DYNC2H1: variants seen among roughly 807,000 people sequenced by gnomAD.
DYNC2H1 encodes the protein dynein cytoplasmic 2 heavy chain 1.
In DYNC2H1, 410 loss-of-function variants were observed where a neutral mutation model predicts 570.0. That is an observed-to-expected ratio of 0.72 (90% CI 0.66 to 0.78). The LOEUF (loss-of-function observed/expected upper bound fraction) is 0.78. Among genes scored for constraint, DYNC2H1 ranks in the 30% least tolerant of loss-of-function variants. The probability of loss-of-function intolerance (pLI) is 0.00; values close to 1 mark genes in which losing one functional copy is unlikely to be tolerated. For missense variants in DYNC2H1, 4,865 were observed against 5,046.4 expected (o/e 0.96, Z 1.09); for synonymous variants, 1,688 against 1,677.6 (o/e 1.01, Z -0.15).
Position 103,415,701 on chromosome 11 carries a change from G to A in DYNC2H1, c.12366+15829G>A, listed in dbSNP as rs149271187. 4.2e-3 allele frequency among the ~76,000 whole-genome samples: 635 copies of A among 152,290 alleles called. 1 individual carries two copies. Among genetic ancestry groups the A allele is most frequent in the African/African-American group, 0.014 (596 of 41,554 alleles). On this transcript the variant is annotated intron_variant, in intron 84 of 88. Transcript: ENST00000375735. Reference sequence around the variant, plus strand: ...ATAGGAACACTTTTACACTGTTGGTGGGACTGTAAACTGGTTCAACCATTG... The same window carrying A: ...ATAGGAACACTTTTACACTGTTGGTAGGACTGTAAACTGGTTCAACCATTG...
At chr11:103,413,748 T>C (rs1184204542) in intron 84 of DYNC2H1, among the ~76,000 whole-genome samples, 4 of 152,310 alleles carry the variant, frequency 2.6e-5, no homozygotes, top group South Asian at 2.1e-4. Flanking sequence ...TTTTATTATA[T>C]GTACTTATAA....
chr11:103,308,237 C>T (rs1867397320), intron 78 of DYNC2H1, among the ~76,000 whole-genome samples: 2 of 152,160 alleles, frequency 1.3e-5, no homozygotes, highest in South Asian at 4.1e-4. Flanking sequence ...AGTTTGACTG[C>T]TTTAGCTACC....
intron 29 of DYNC2H1, among the ~76,000 whole-genome samples, chr11:103,162,574 A>G (rs1861141188): frequency 6.6e-6 from 1 of 152,134 alleles, no homozygotes; most frequent in African/African-American, 2.4e-5. Context: ...ATCCCTTCCT[A>G]TGGTTACGAC....
At chr11:103,393,967 A>G (rs560685260) in intron 83 of DYNC2H1, among the ~76,000 whole-genome samples, 8 of 152,190 alleles carry the variant, frequency 5.3e-5, no homozygotes, top group African/African-American at 1.7e-4. Context: ...CTATTATTCA[A>G]TTACCTCCCA....
intron 61 of DYNC2H1, among the ~76,000 whole-genome samples, chr11:103,234,401 A>C (rs1451846527): frequency 6.6e-6 from 1 of 152,036 alleles, no homozygotes. Context: ...AGAGATGAGC[A>C]GGATGAAAAT....
Position 103,170,834 on chromosome 11 carries a change from TG to T in DYNC2H1, c.5152-50del. The T allele has an allele frequency of 7.5e-7, 1 of 1,340,032 alleles. No homozygotes were observed. Among genetic ancestry groups the T allele is most frequent in the Non-Finnish European group, 9.8e-7 (1 of 1,021,792 alleles). 83.0% of individuals were successfully genotyped at this position (1,340,032 alleles called of 1,614,324 possible). On this transcript the variant is annotated intron_variant, in intron 33 of 88. Coordinates refer to ENST00000375735, the MANE Select transcript of DYNC2H1 (RefSeq NM_001377.3). This position sits in a 1 kb window ranked among gnomAD's most constrained non-coding sequence, Gnocchi z 4.8. ...AGTAACATTAAATATTAAGTAGTTA[TG>T]GAGATTTTGATTATTTTTTAATGAC...
In DYNC2H1 at chr11:103,276,929, CAG is replaced by C. The variant is rs893362457; in HGVS notation, c.10696-3416_10696-3415del. ...CACATAAAATGCCCTCCAAAAAAGA[CAG>C]AGTCAATTTCATTCTCAACAGCAAT... On this transcript the variant is annotated intron_variant, in intron 70 of 88. Transcript: ENST00000375735. 4.0e-4 allele frequency among the ~76,000 whole-genome samples: 61 copies of C among 152,040 alleles called. 1 individual carries two copies. The highest frequency in any genetic ancestry group is 1.4e-3 in the African/African-American group (60 of 41,426).
chr11:103,147,611 G>A (rs532137724), intron 18 of DYNC2H1, among the ~76,000 whole-genome samples, 161 bp from the exon 19 acceptor site: 2 of 152,132 alleles, frequency 1.3e-5, no homozygotes, highest in South Asian at 2.1e-4. Context: ...TATGTATAAG[G>A]CATTTTTGCT....
At chr11:103,164,955 C>A (rs987386398) in intron 30 of DYNC2H1, among the ~76,000 whole-genome samples, 1 of 152,172 alleles carries the variant, frequency 6.6e-6, no homozygotes, top group Admixed American at 6.5e-5. Context: ...AATCAAAGAG[C>A]AAAGTATTTT....
At chr11:103,342,802 G>A (rs1270162532) in intron 82 of DYNC2H1, among the ~76,000 whole-genome samples, 1 of 152,106 alleles carries the variant, frequency 6.6e-6, no homozygotes, top group Non-Finnish European at 1.5e-5. Flanking sequence ...CCACCTTTAA[G>A]AGCTGTAACA....
At chr11:103,417,380 C>T (rs954184716) in intron 84 of DYNC2H1, among the ~76,000 whole-genome samples, 14 of 152,012 alleles carry the variant, frequency 9.2e-5, no homozygotes, top group Admixed American at 2.6e-4. Context: ...GGATTACAGG[C>T]GTGAGCCATC....
chr11:103,251,688 C>A (rs1431674183), intron 65 of DYNC2H1, among the ~76,000 whole-genome samples: 1 of 151,880 alleles, frequency 6.6e-6, no homozygotes, highest in East Asian at 1.9e-4. Flanking sequence ...ATCTCCCATC[C>A]CCTCCTTCAT....
chr11:103,323,498 A>T (rs1000096834), intron 81 of DYNC2H1, among the ~76,000 whole-genome samples: 2 of 151,686 alleles, frequency 1.3e-5, no homozygotes, highest in African/African-American at 4.8e-5. Context: ...ATAACTGCTT[A>T]ATTTAACATG....
chr11:103,197,048 TCCTTG>T (rs772257536), intron 47 of DYNC2H1, among the ~76,000 whole-genome samples: 6 of 152,058 alleles, frequency 3.9e-5, no homozygotes, highest in Non-Finnish European at 8.8e-5. Flanking sequence ...GAATAGACTT[TCCTTG>T]TATGGTAACA....
rs1485025203 is a variant in DYNC2H1 at position 103,249,189 on chromosome 11, A to G, written c.10042+3815A>G. On this transcript the variant is annotated intron_variant, in intron 65 of 88. Coordinates refer to ENST00000375735, the MANE Select transcript of DYNC2H1 (RefSeq NM_001377.3). The surrounding 1 kb of genome is among the most constrained non-coding windows in gnomAD (Gnocchi z 4.6). ...AATAAGAGATGAGACAACACTGAAG[A>G]GTCTTTTTTAGACAATAAAATATTT... Among the ~76,000 whole-genome samples the G allele has an allele frequency of 2.0e-5, 3 of 151,898 alleles. No individual in the cohort carries two copies. Among genetic ancestry groups the G allele is most frequent in the African/African-American group, 7.3e-5 (3 of 41,332 alleles).
chr11:103,235,582 C>T (rs1035695815), intron 61 of DYNC2H1, 90 bp from the exon 62 acceptor site: 10 of 1,226,040 alleles, frequency 8.2e-6, no homozygotes, highest in East Asian at 5.2e-5. Context: ...GTGATTTTCC[C>T]CCTCACAGTC....
chr11:103,390,253 G>T (rs561960321), intron 83 of DYNC2H1, among the ~76,000 whole-genome samples: 17 of 151,956 alleles, frequency 1.1e-4, no homozygotes, highest in African/African-American at 4.1e-4. Flanking sequence ...ATTATGTAAT[G>T]GCCTTCTTTG....
At chr11:103,293,642 G>C (rs1370085063) in intron 75 of DYNC2H1, among the ~76,000 whole-genome samples, 1 of 151,368 alleles carries the variant, frequency 6.6e-6, no homozygotes, top group Non-Finnish European at 1.5e-5. Flanking sequence ...ATATTTTCAT[G>C]TTTTCAAACT....
At chr11:103,479,039 AATC>A in intron 88 of DYNC2H1, 53 bp from the exon 89 acceptor site, 1 of 1,573,960 alleles carries the variant, frequency 6.4e-7, no homozygotes, top group East Asian at 2.2e-5. Flanking sequence ...GTTATCTAAT[AATC>A]TGTTTCCAAA....
Sources: allele counts gnomAD v4.1 joint callset (sites outside exome capture counted in the v4.1 genomes callset), GRCh38; gene constraint gnomAD v4.1.1; non-coding constraint Gnocchi (gnomAD v3.1); transcripts MANE v1.5; gene names NCBI Gene and HGNC (gene_info 2026-07-23, HGNC 2026-07-21).